DUS2: variants seen among roughly 807,000 people sequenced by gnomAD.
DUS2 encodes the protein dihydrouridine synthase 2, also known as tRNA-dihydrouridine(20) synthase [NAD(P)+]-like.
Under a neutral mutation model 71.3 loss-of-function variants are expected in DUS2, and 52 were observed. The observed-to-expected ratio is 0.73, with a 90% CI of 0.58 to 0.92. DUS2 has a LOEUF of 0.92. Among genes scored for constraint, DUS2 ranks in the 40% least tolerant of loss-of-function variants. The pLI is 0.00. For synonymous variants in DUS2, 204 were observed against 227.8 expected (o/e 0.90, Z 0.94); for missense variants, 558 against 622.6 (o/e 0.90, Z 1.10).
intron 5 of DUS2, 93 bp from the exon 6 acceptor site, chr16:68,054,481 G>A (rs2033822984): frequency 2.3e-6 from 3 of 1,332,882 alleles, no homozygotes; most frequent in South Asian, 1.2e-5. Flanking sequence ...TGTGTGGGGT[G>A]TGTGTGTGTA....
chr16:68,030,312 G>T (rs1161518570), intron 2 of DUS2, among the ~76,000 whole-genome samples: 1 of 151,898 alleles, frequency 6.6e-6, no homozygotes, highest in Admixed American at 6.6e-5. Flanking sequence ...CCCCACCGGA[G>T]GCCAGGAGTG....
Position 68,075,483 on chromosome 16 carries a change from A to C in DUS2, c.1061A>C (p.Lys354Thr). Reference sequence around the variant, plus strand: ...GCTGAAGATACCTCTGGTGTCATTAAGATGGCTGTCAAGTTTGACCGGTAG... The same window carrying C: ...GCTGAAGATACCTCTGGTGTCATTACGATGGCTGTCAAGTTTGACCGGTAG... ...EPAEDTSGVI[K>T]MAVKFDRRAY... Residue 354 changes from lysine (K) to threonine (T), a missense_variant, in exon 14 of 17, where the codon AAG (lysine) becomes ACG (threonine). Coordinates refer to ENST00000565263, the MANE Select transcript of DUS2 (RefSeq NM_017803.5). 6.2e-7 allele frequency: 1 copy of C among 1,612,930 alleles called. No individual in the cohort carries two copies. The highest frequency in any genetic ancestry group is 1.7e-5 in the Admixed American group (1 of 59,868).
At chr16:68,060,291 A>G (rs1374362384) in intron 7 of DUS2, among the ~76,000 whole-genome samples, 1 of 152,114 alleles carries the variant, frequency 6.6e-6, no homozygotes, top group East Asian at 1.9e-4. Context: ...GGATTTACCA[A>G]GGGGATCAGA....
chr16:68,039,606 A>G (rs1402272904), intron 3 of DUS2, among the ~76,000 whole-genome samples: 1 of 152,066 alleles, frequency 6.6e-6, no homozygotes, highest in Non-Finnish European at 1.5e-5. Flanking sequence ...TATTTTTAGT[A>G]GAGACGGGGT....
intron 2 of DUS2, among the ~76,000 whole-genome samples, chr16:68,026,607 G>A (rs1055419705): frequency 6.6e-6 from 1 of 152,008 alleles, no homozygotes; most frequent in Admixed American, 6.6e-5. Flanking sequence ...GGCCTGGTGT[G>A]GTGGCTCACG....
chr16:68,066,926 A>C (rs1432755405), intron 10 of DUS2, among the ~76,000 whole-genome samples: 1 of 152,052 alleles, frequency 6.6e-6, no homozygotes, highest in Non-Finnish European at 1.5e-5. Context: ...GGATGTGTAA[A>C]TGCTAGAGAT....
chr16:68,044,759 CTTTTTTTGAATTATTTCCT>C (rs2033677548), intron 3 of DUS2, among the ~76,000 whole-genome samples: 1 of 151,890 alleles, frequency 6.6e-6, no homozygotes, highest in Non-Finnish European at 1.5e-5. Context: ...TCTCATACCT[CTTTTTTTGAATTATTTCCT>C]ATGTGTTTTA....
intron 2 of DUS2, among the ~76,000 whole-genome samples, chr16:68,029,633 A>G (rs1183129804): frequency 1.3e-5 from 2 of 151,808 alleles, no homozygotes; most frequent in African/African-American, 2.4e-5. Context: ...TTTTTGGTAT[A>G]GATGGGGTTT....
chr16:68,067,964 C>A lies in DUS2; in HGVS notation c.554+1328C>A, dbSNP rs143789399. On this transcript the variant is annotated intron_variant, in intron 10 of 16. Transcript: ENST00000565263. ...CTTGAGCCACCATACCCAACCTATT[C>A]TTTTAAAGGCTCTGCCTCTCTTGTC... Among the ~76,000 whole-genome samples, 770 of 152,274 alleles carry A rather than the reference C, an allele frequency of 5.1e-3. 8 individuals carry two copies. The highest frequency in any genetic ancestry group is 0.017 in the African/African-American group (703 of 41,560).
chr16:68,046,272 C>T (rs901772610), intron 3 of DUS2, among the ~76,000 whole-genome samples: 1 of 152,090 alleles, frequency 6.6e-6, no homozygotes, highest in Non-Finnish European at 1.5e-5. Flanking sequence ...ATGCTTAGCT[C>T]CTGCTTATAA....
At chr16:68,034,669 T>C (rs2033490530) in intron 2 of DUS2, among the ~76,000 whole-genome samples, 1 of 152,186 alleles carries the variant, frequency 6.6e-6, no homozygotes, top group Admixed American at 6.6e-5. Flanking sequence ...CTGGCCTCTT[T>C]GTGACTGTTT....
rs1248746937 is a variant in DUS2, at chr16:68,079,097, A to G, written c.*111A>G. 2 of 1,049,454 alleles carry G rather than the reference A, an allele frequency of 1.9e-6. No individual in the cohort carries two copies. The highest frequency in any genetic ancestry group is 3.0e-4 in the Middle Eastern group (1 of 3,300). 65.0% of individuals were successfully genotyped at this position (1,049,454 alleles called of 1,614,324 possible). A position where few individuals can be genotyped will look rare whatever the true frequency, so the allele number is the denominator to read the frequency against. Reference sequence around the variant, plus strand: ...CAGTTTGCTGGTCTTGCCTGGCAGAAGTTAGATGTCCTGGCAGGGGCCATC... The same window carrying G: ...CAGTTTGCTGGTCTTGCCTGGCAGAGGTTAGATGTCCTGGCAGGGGCCATC... On this transcript the variant is annotated 3_prime_UTR_variant, in exon 17 of 17. Transcript: ENST00000565263.
Position 68,074,844 on chromosome 16 carries a change from C to A in DUS2, c.933-511C>A, listed in dbSNP as rs115744551. On this transcript the variant is annotated intron_variant, in intron 13 of 16. Transcript: ENST00000565263. ...GAAAAACCTTTGCCAGAGCCCTCTT[C>A]CCACCCTTGGCTTATGGCATTGGTT... Among the ~76,000 whole-genome samples, 1,210 of 152,338 alleles carry A rather than the reference C, an allele frequency of 7.9e-3. 16 individuals are homozygous for A. Among genetic ancestry groups the A allele is most frequent in the African/African-American group, 0.027 (1,136 of 41,570 alleles).
chr16:68,073,305 G>C (rs2034112884), intron 12 of DUS2, among the ~76,000 whole-genome samples: 1 of 152,106 alleles, frequency 6.6e-6, no homozygotes, highest in South Asian at 2.1e-4. Flanking sequence ...TAGGGTCTCA[G>C]TCTGTTGCCC....
intron 3 of DUS2, among the ~76,000 whole-genome samples, chr16:68,048,159 G>A (rs2033731575): frequency 6.6e-6 from 1 of 152,120 alleles, no homozygotes; most frequent in East Asian, 1.9e-4. Context: ...GCCATGTGTG[G>A]CCTATAAAGT....
At chr16:68,074,179 A>G (rs1194880442) in intron 13 of DUS2, 24 bp downstream of exon 13, 1 of 1,613,644 alleles carries the variant, frequency 6.2e-7, no homozygotes, top group South Asian at 1.1e-5. Context: ...TAAGATGTCC[A>G]TCTGTCCTTG....
intron 10 of DUS2, among the ~76,000 whole-genome samples, chr16:68,069,093 A>G (rs1403901043): frequency 6.6e-6 from 1 of 152,108 alleles, no homozygotes; most frequent in Non-Finnish European, 1.5e-5. Flanking sequence ...TTTGTTGAAG[A>G]GTATAGTAGA....
chr16:68,068,807 C>T (rs1404574010), intron 10 of DUS2, among the ~76,000 whole-genome samples: 1 of 145,352 alleles, frequency 6.9e-6, no homozygotes, highest in African/African-American at 2.6e-5. Flanking sequence ...ACCATGTTGG[C>T]CAGGCTGGTC....
intron 6 of DUS2, among the ~76,000 whole-genome samples, chr16:68,055,215 C>T (rs1456132314): frequency 6.6e-6 from 1 of 152,034 alleles, no homozygotes; most frequent in Non-Finnish European, 1.5e-5. Context: ...ACTATGAGTC[C>T]TGAAGCTTTA....
Sources: gnomAD v4.1 joint callset for allele counts (sites outside exome capture counted in the v4.1 genomes callset) on GRCh38, gnomAD v4.1.1 for gene constraint, MANE v1.5 for transcripts, NCBI Gene and HGNC (gene_info 2026-07-23, HGNC 2026-07-21) for gene names.